The following OSBPL3 variants were observed in gnomAD, a reference collection of about 807,000 sequenced individuals.
The protein encoded by OSBPL3 is oxysterol-binding protein-related protein 3.
A neutral mutation model predicts 120.1 loss-of-function variants in OSBPL3; 65 were observed. The observed-to-expected ratio is 0.54, with a 90% confidence interval of 0.44 to 0.67. The LOEUF (loss-of-function observed/expected upper bound fraction) is 0.67. Among genes scored for constraint, OSBPL3 ranks in the 30% least tolerant of loss-of-function variants. The probability of loss-of-function intolerance (pLI) is 0.00; values close to 1 mark genes in which losing one functional copy is unlikely to be tolerated. For missense variants in OSBPL3, 1,004 were observed against 1,082.1 expected (o/e 0.93, Z 1.01); for synonymous variants, 416 against 402.6 (o/e 1.03, Z -0.40).
rs187578794 is a variant in OSBPL3 at position 24,832,396 on chromosome 7, G to A, written c.1747-1491C>T. On this transcript the variant is annotated intron_variant, in intron 15 of 22. Coordinates refer to ENST00000313367, the MANE Select transcript of OSBPL3 (RefSeq NM_015550.4). Reference sequence around the variant, plus strand: ...GTGGTGGCGCACGCCTGTAATCCCAGCTACTCAGGAGGCTGAAGTAGGAGA... The same window carrying A: ...GTGGTGGCGCACGCCTGTAATCCCAACTACTCAGGAGGCTGAAGTAGGAGA... Among the ~76,000 whole-genome samples the A allele has an allele frequency of 1.1e-4, 16 of 151,424 alleles. No individual in the cohort carries two copies. In the East Asian group the frequency reaches 3.1e-3, roughly 30 times the overall value.
Position 24,799,439 on chromosome 7 carries a change from G to A in OSBPL3, c.*744C>T, listed in dbSNP as rs1792046753. Reference sequence around the variant, plus strand: ...GAGAAATTTCCTACTGTCTCTCTGGGATGCTATTGTGATATTTAATTAATT... The same window carrying A: ...GAGAAATTTCCTACTGTCTCTCTGGAATGCTATTGTGATATTTAATTAATT... On this transcript the variant is annotated 3_prime_UTR_variant, in exon 23 of 23. Coordinates refer to ENST00000313367, the MANE Select transcript of OSBPL3 (RefSeq NM_015550.4). This position sits in a 1 kb window ranked among gnomAD's most constrained non-coding sequence, Gnocchi z 5.3. 6.6e-6 allele frequency: 1 copy of A among 152,132 alleles called. No homozygotes were observed. Among genetic ancestry groups the A allele is most frequent in the Non-Finnish European group, 1.5e-5 (1 of 68,030 alleles). 9.4% of individuals were successfully genotyped at this position (152,132 alleles called of 1,614,324 possible).
intron 1 of OSBPL3, among the ~76,000 whole-genome samples, chr7:24,958,747 C>T (rs1210465595): frequency 6.6e-6 from 1 of 152,170 alleles, no homozygotes; most frequent in Non-Finnish European, 1.5e-5. Flanking sequence ...GCATGGAAGA[C>T]TGAATTAAAA....
rs1386368621 is a variant in OSBPL3 at position 24,861,467 on chromosome 7, G to A, written c.1027+146C>T. On this transcript the variant is annotated intron_variant, in intron 10 of 22. Coordinates refer to ENST00000313367, the MANE Select transcript of OSBPL3 (RefSeq NM_015550.4). ...TTGCCAATACATTCTCCACTACTAG[G>A]GAAATAAAATAAAGATTAGGTTTCC... The A allele has an allele frequency of 1.9e-5, 10 of 531,754 alleles. 1 individual carries two copies. The Admixed American group carries it at 2.4e-4, about 13-fold the overall frequency. 32.9% of individuals were successfully genotyped at this position (531,754 alleles called of 1,614,324 possible). A position where few individuals can be genotyped will look rare whatever the true frequency, so the allele number is the denominator to read the frequency against.
In OSBPL3 at chr7:24,930,474, G is replaced by A. The variant is rs765740934; in HGVS notation, c.-149-37853C>T. 6.6e-6 allele frequency among the ~76,000 whole-genome samples: 1 copy of A among 152,014 alleles called. No homozygotes were observed. The highest frequency in any genetic ancestry group is 1.9e-4 in the East Asian group (1 of 5,186). ...AAAAAAAAGTAAACTTTTTATTGCT[G>A]ACAGCAAAAAAGACACAGGTTTCAG... On this transcript the variant is annotated intron_variant, in intron 1 of 22. Coordinates refer to ENST00000313367, the MANE Select transcript of OSBPL3 (RefSeq NM_015550.4). The surrounding 1 kb of genome is among the most constrained non-coding windows in gnomAD (Gnocchi z 4.4).
chr7:24,928,442 T>A (rs545142771), intron 1 of OSBPL3, among the ~76,000 whole-genome samples: 8 of 152,098 alleles, frequency 5.3e-5, no homozygotes, highest in Non-Finnish European at 1.0e-4. Flanking sequence ...CTGCCCACCT[T>A]GGCCTCCCAA....
intron 1 of OSBPL3, among the ~76,000 whole-genome samples, chr7:24,944,624 C>CAAAAAAAAA: frequency 7.6e-6 from 1 of 131,938 alleles, no homozygotes; most frequent in Non-Finnish European, 1.6e-5. Context: ...AGCGAGACTC[C>CAAAAAAAAA]AAAAAAAAAA....
intron 12 of OSBPL3, among the ~76,000 whole-genome samples, chr7:24,845,507 G>C (rs1430429947): frequency 7.0e-6 from 1 of 142,726 alleles, no homozygotes; most frequent in African/African-American, 2.6e-5. Flanking sequence ...ACTTGTTAAA[G>C]TTTTAAGTTA....
In OSBPL3 at chr7:24,862,272, G is replaced by C. The variant is rs542498024; in HGVS notation, c.871-503C>G. Among the ~76,000 whole-genome samples the C allele has an allele frequency of 1.3e-5, 2 of 152,294 alleles. No homozygotes were observed. The highest frequency in any genetic ancestry group is 3.9e-4 in the East Asian group (2 of 5,168). Reference sequence around the variant, plus strand: ...TTCCACAGAAACTTGCTTCTTGTGAGCTAAAAATGGGTGAGAAATCACATA... The same window carrying C: ...TTCCACAGAAACTTGCTTCTTGTGACCTAAAAATGGGTGAGAAATCACATA... On this transcript the variant is annotated intron_variant, in intron 9 of 22. Transcript: ENST00000313367. This position sits in a 1 kb window ranked among gnomAD's most constrained non-coding sequence, Gnocchi z 4.4.
intron 1 of OSBPL3, among the ~76,000 whole-genome samples, chr7:24,951,063 G>A (rs543677003): frequency 6.6e-6 from 1 of 152,104 alleles, no homozygotes; most frequent in South Asian, 2.1e-4. Context: ...TCAAAACAAC[G>A]ATCTCCCTCC....
At chr7:24,816,025 C>T (rs1428148489) in intron 18 of OSBPL3, among the ~76,000 whole-genome samples, 1 of 152,116 alleles carries the variant, frequency 6.6e-6, no homozygotes, top group Non-Finnish European at 1.5e-5. Context: ...AGGAAAAACA[C>T]TTTTTTTAAA....
chr7:24,862,165 C>T lies in OSBPL3; in HGVS notation c.871-396G>A, dbSNP rs1158597593. ...CCTTCCAAAGTGCTGGGATTACAGG[C>T]GTGAGCCACCGCGCCCAGCCTAGGT... On this transcript the variant is annotated intron_variant, in intron 9 of 22. Transcript: ENST00000313367. This position sits in a 1 kb window ranked among gnomAD's most constrained non-coding sequence, Gnocchi z 4.4. Among the ~76,000 whole-genome samples, 3 of 152,102 alleles carry T rather than the reference C, an allele frequency of 2.0e-5. No homozygotes were observed. The highest frequency in any genetic ancestry group is 4.4e-5 in the Non-Finnish European group (3 of 68,020).
rs992094945 is a variant in OSBPL3, at chr7:24,822,479, A to G, written c.1885-2241T>C. Among the ~76,000 whole-genome samples, 30 of 152,088 alleles carry G rather than the reference A, an allele frequency of 2.0e-4. No individual in the cohort carries two copies. Among genetic ancestry groups the G allele is most frequent in the African/African-American group, 7.2e-4 (30 of 41,430 alleles). The stretch of plus-strand genomic sequence containing the variant: ...CAGCTCAAGACAATCCCCACTCCCC[A>G]CTTCTCCACCCCAGCTGGCATGACC... On this transcript the variant is annotated intron_variant, in intron 16 of 22. Coordinates refer to ENST00000313367, the MANE Select transcript of OSBPL3 (RefSeq NM_015550.4). This position sits in a 1 kb window ranked among gnomAD's most constrained non-coding sequence, Gnocchi z 5.8.
In OSBPL3 at chr7:24,873,562, C is replaced by T. The variant is rs369348167; in HGVS notation, c.97-1493G>A. ...TCTTCAATGGAAAAAAGCAAAGCTT[C>T]GAAAAAAGATCCAGCTTTTAAATTA... On this transcript the variant is annotated intron_variant, in intron 2 of 22. Coordinates refer to ENST00000313367, the MANE Select transcript of OSBPL3 (RefSeq NM_015550.4). The surrounding 1 kb of genome is among the most constrained non-coding windows in gnomAD (Gnocchi z 4.1). Among the ~76,000 whole-genome samples the T allele has an allele frequency of 1.7e-3, 253 of 151,034 alleles. 1 individual carries two copies. The highest frequency in any genetic ancestry group is 6.0e-3 in the African/African-American group (247 of 41,234).
Position 24,894,291 on chromosome 7 carries a change from A to G in OSBPL3, c.-149-1670T>C, listed in dbSNP as rs28459648. ...CATGTTACTCTTAGGTAACTCCCCAAATCTCTTTATTCATTTAGTATTGGA... is the reference window on the plus strand; with the variant it reads ...CATGTTACTCTTAGGTAACTCCCCAGATCTCTTTATTCATTTAGTATTGGA... On this transcript the variant is annotated intron_variant, in intron 1 of 22. Transcript: ENST00000313367. The surrounding 1 kb of genome is among the most constrained non-coding windows in gnomAD (Gnocchi z 4.1). Among the ~76,000 whole-genome samples the G allele has an allele frequency of 0.023, 3,431 of 152,240 alleles. 153 individuals are homozygous for G. The highest frequency in any genetic ancestry group is 0.079 in the African/African-American group (3,259 of 41,506).
chr7:24,830,971 C>T lies in OSBPL3; in HGVS notation c.1747-66G>A. On this transcript the variant is annotated intron_variant, in intron 15 of 22. Coordinates refer to ENST00000313367, the MANE Select transcript of OSBPL3 (RefSeq NM_015550.4). The surrounding 1 kb of genome is among the most constrained non-coding windows in gnomAD (Gnocchi z 4.4). ...CAAGAGCTTTATTGTTCACAAAGAA[C>T]TAAACAAAATAAAACCTCTATGATT... 1 of 1,449,256 alleles carries T rather than the reference C, an allele frequency of 6.9e-7. No homozygotes were observed. Among genetic ancestry groups the T allele is most frequent in the Non-Finnish European group, 9.2e-7 (1 of 1,087,332 alleles). The allele number at this position is 1,449,256 out of a possible 1,614,324, so 89.8% of individuals were successfully genotyped here.
chr7:24,857,589 A>C (rs1162478376), intron 10 of OSBPL3, among the ~76,000 whole-genome samples: 1 of 152,248 alleles, frequency 6.6e-6, no homozygotes, highest in Non-Finnish European at 1.5e-5. Context: ...TTAATAAATG[A>C]AGTCAAATTT....
At chr7:24,836,362 A>C (rs1796994342) in intron 14 of OSBPL3, among the ~76,000 whole-genome samples, 1 of 152,160 alleles carries the variant, frequency 6.6e-6, no homozygotes, top group South Asian at 2.1e-4. Flanking sequence ...CATTTAAAAG[A>C]TTTCCTGTGT....
At chr7:24,909,917 G>A (rs1808579950) in intron 1 of OSBPL3, among the ~76,000 whole-genome samples, 1 of 148,724 alleles carries the variant, frequency 6.7e-6, no homozygotes, top group Non-Finnish European at 1.5e-5. Context: ...CAATTCTTCT[G>A]CCTCAGTCTC....
In OSBPL3 at chr7:24,881,947, G is replaced by A. The variant is rs147724767; in HGVS notation, c.97-9878C>T. Among the ~76,000 whole-genome samples the A allele has an allele frequency of 3.9e-5, 6 of 152,130 alleles. No homozygotes were observed. Among genetic ancestry groups the A allele is most frequent in the East Asian group, 3.9e-4 (2 of 5,178 alleles). Reference sequence around the variant, plus strand: ...CCTCTATGTCTGTCTTCTCCCGAACGTGTTTCTTATAAGGACATTTGTCAG... The same window carrying A: ...CCTCTATGTCTGTCTTCTCCCGAACATGTTTCTTATAAGGACATTTGTCAG... On this transcript the variant is annotated intron_variant, in intron 2 of 22. Transcript: ENST00000313367. The surrounding 1 kb of genome is among the most constrained non-coding windows in gnomAD (Gnocchi z 4.3).
Sources: gnomAD v4.1 joint callset for allele counts (sites outside exome capture counted in the v4.1 genomes callset) on GRCh38, gnomAD v4.1.1 for gene constraint, Gnocchi (gnomAD v3.1) non-coding constraint, MANE v1.5 for transcripts, NCBI Gene and HGNC (gene_info 2026-07-23, HGNC 2026-07-21) for gene names.